Variants in CTDSPL2 observed in about 807,000 individuals in gnomAD.
The protein encoded by CTDSPL2 is CTD small phosphatase-like protein 2.
Under a neutral mutation model 60.0 loss-of-function variants are expected in CTDSPL2, and 5 were observed. That is an observed-to-expected ratio of 0.08 (90% CI 0.04 to 0.18). The LOEUF (loss-of-function observed/expected upper bound fraction) is 0.18. Ranked by LOEUF, CTDSPL2 falls within the 10% of genes least tolerant of loss-of-function variation. CTDSPL2 has a pLI of 1.00. For synonymous variants in CTDSPL2, 186 were observed against 189.3 expected, an observed-to-expected ratio of 0.98 and a Z score of 0.14; for missense variants, 370 against 548.8, an observed-to-expected ratio of 0.67 and a Z score of 3.26.
Position 44,439,743 on chromosome 15 carries a change from A to G in CTDSPL2, c.-25+11971A>G, listed in dbSNP as rs371480652. ...CCTGACATAAGTAGTAGCATTACCA[A>G]CGTGAGGCTGTATATGTCTGTTTAA... is the stretch of plus-strand genomic sequence containing the variant. On this transcript the variant is annotated intron_variant, in intron 1 of 12. Coordinates refer to ENST00000260327, the MANE Select transcript of CTDSPL2 (RefSeq NM_016396.3). Among the ~76,000 whole-genome samples, 8 of 152,282 alleles carry G rather than the reference A, an allele frequency of 5.3e-5. No homozygotes were observed. The South Asian group carries it at 1.2e-3, about 24-fold the overall frequency.
rs1374227271 is a variant in CTDSPL2 at position 44,493,053 on chromosome 15, A to G, written c.691+2054A>G. ...AAGATATACTATAGTTGTCACAGTC[A>G]TTCATTTATTCTCCCAGCATTTATG... On this transcript the variant is annotated intron_variant, in intron 5 of 12. Transcript: ENST00000260327. Among the ~76,000 whole-genome samples the G allele has an allele frequency of 4.6e-5, 7 of 152,148 alleles. No homozygotes were observed. In the East Asian group the frequency reaches 9.6e-4, roughly 21 times the overall value.
At chr15:44,488,603 A>G (rs1207729356) in intron 4 of CTDSPL2, among the ~76,000 whole-genome samples, 1 of 152,146 alleles carries the variant, frequency 6.6e-6, no homozygotes, top group South Asian at 2.1e-4. Context: ...ACTTGAGGTC[A>G]GGAGTTCAAG....
chr15:44,514,394 T>G (rs2081615753), intron 8 of CTDSPL2, among the ~76,000 whole-genome samples: 1 of 152,206 alleles, frequency 6.6e-6, no homozygotes, highest in Non-Finnish European at 1.5e-5. Context: ...CATCAGTGAT[T>G]ATTATTATCC....
At chr15:44,442,711 C>T (rs1289021442) in intron 1 of CTDSPL2, among the ~76,000 whole-genome samples, 1 of 151,900 alleles carries the variant, frequency 6.6e-6, no homozygotes, top group African/African-American at 2.4e-5. Flanking sequence ...CATGGTAGCT[C>T]ACGCCTGTAA....
chr15:44,478,384 G>A (rs1380392362), intron 2 of CTDSPL2, among the ~76,000 whole-genome samples: 2 of 148,448 alleles, frequency 1.3e-5, no homozygotes, highest in East Asian at 4.1e-4. Context: ...CCCGGGAGGT[G>A]GAGGTTGCAG....
At position 44,524,102 on chromosome 15, in the gene CTDSPL2, C is replaced by T; in HGVS notation, c.1336-7C>T. On this transcript the variant is annotated splice_region_variant and splice_polypyrimidine_tract_variant and intron_variant, in intron 12 of 12. Transcript: ENST00000260327. ...GCCTTTTTAAAAATTGTCTTTTTTC[C>T]ACGCAGAATGAAGATGTTCGACCAC... 1 of 1,612,444 alleles carries T rather than the reference C, an allele frequency of 6.2e-7. No individual in the cohort carries two copies. Among genetic ancestry groups the T allele is most frequent in the Non-Finnish European group, 8.5e-7 (1 of 1,179,074 alleles).
chr15:44,434,182 A>G (rs1230973789), intron 1 of CTDSPL2, among the ~76,000 whole-genome samples: 3 of 151,998 alleles, frequency 2.0e-5, no homozygotes, highest in Admixed American at 1.3e-4. Flanking sequence ...TGGGCAGATC[A>G]TGAGGTCCAG....
chr15:44,497,844 A>G (rs1490534483), intron 7 of CTDSPL2, among the ~76,000 whole-genome samples: 3 of 152,084 alleles, frequency 2.0e-5, no homozygotes, highest in African/African-American at 7.2e-5. Flanking sequence ...TAGAAATTCA[A>G]AAATTAGCTG....
intron 5 of CTDSPL2, among the ~76,000 whole-genome samples, chr15:44,494,966 C>G (rs1389301237): frequency 6.6e-6 from 1 of 151,964 alleles, no homozygotes; most frequent in African/African-American, 2.4e-5. Context: ...AGTAGCATTT[C>G]TTAATTTTTT....
intron 1 of CTDSPL2, among the ~76,000 whole-genome samples, chr15:44,434,365 A>G (rs999232517): frequency 2.0e-5 from 3 of 152,196 alleles, no homozygotes; most frequent in African/African-American, 7.2e-5. Flanking sequence ...GTGCCACTGC[A>G]CTGCAGCCTG....
intron 1 of CTDSPL2, among the ~76,000 whole-genome samples, chr15:44,439,609 G>C (rs906387367): frequency 1.3e-5 from 2 of 151,828 alleles, no homozygotes; most frequent in Admixed American, 1.3e-4. Context: ...TCAGCACTCA[G>C]GTTTCTGGAT....
At chr15:44,442,005 G>T (rs765495601) in intron 1 of CTDSPL2, among the ~76,000 whole-genome samples, 11 of 152,126 alleles carry the variant, frequency 7.2e-5, no homozygotes, top group Non-Finnish European at 1.3e-4. Context: ...CCCAATTAGC[G>T]CTGGATTGCT....
chr15:44,465,874 T>G (rs1346872610), intron 2 of CTDSPL2, among the ~76,000 whole-genome samples: 2 of 151,666 alleles, frequency 1.3e-5, no homozygotes, highest in African/African-American at 4.8e-5. Context: ...CCACCATGCC[T>G]GGCTAATTTT....
chr15:44,475,058 G>C (rs190169564), intron 2 of CTDSPL2, among the ~76,000 whole-genome samples: 1 of 152,038 alleles, frequency 6.6e-6, no homozygotes, highest in Non-Finnish European at 1.5e-5. Context: ...AAAACTCTTT[G>C]CTAATTAGTT....
At chr15:44,500,159 A>G (rs2140832794) in intron 8 of CTDSPL2, among the ~76,000 whole-genome samples, 1 of 152,336 alleles carries the variant, frequency 6.6e-6, no homozygotes, top group African/African-American at 2.4e-5. Flanking sequence ...GTTTTCCAAA[A>G]ATCCAATTAA....
intron 2 of CTDSPL2, among the ~76,000 whole-genome samples, chr15:44,460,546 ACTTT>A (rs1317512990): frequency 6.6e-6 from 1 of 152,188 alleles, no homozygotes; most frequent in Admixed American, 6.5e-5. Context: ...GAAGTGTATT[ACTTT>A]CTTAAGCAGA....
At chr15:44,506,894 G>A (rs1301973122) in intron 8 of CTDSPL2, among the ~76,000 whole-genome samples, 1 of 151,806 alleles carries the variant, frequency 6.6e-6, no homozygotes, top group Non-Finnish European at 1.5e-5. Context: ...AGCCTCCCGA[G>A]TAGCTGGGAC....
At chr15:44,521,447 T>C (rs767584809) in intron 12 of CTDSPL2, 41 bp downstream of exon 12, 6 of 1,014,950 alleles carry the variant, frequency 5.9e-6, no homozygotes, top group Non-Finnish European at 9.1e-6. Context: ...TTTTGTTAGC[T>C]CAACTATATT....
intron 8 of CTDSPL2, among the ~76,000 whole-genome samples, chr15:44,505,782 T>G (rs924952266): frequency 1.3e-5 from 2 of 151,084 alleles, no homozygotes; most frequent in Non-Finnish European, 2.9e-5. Flanking sequence ...ATGTGGAAAG[T>G]TCTTATTTAA....
Sources: allele counts gnomAD v4.1 joint callset (sites outside exome capture counted in the v4.1 genomes callset), GRCh38; gene constraint gnomAD v4.1.1; transcripts MANE v1.5; gene names NCBI Gene and HGNC (gene_info 2026-07-23, HGNC 2026-07-21).